SLC4A4: variants seen among roughly 807,000 people sequenced by gnomAD.
SLC4A4 encodes the protein solute carrier family 4 member 4, also known as electrogenic sodium bicarbonate cotransporter 1.
A neutral mutation model predicts 111.5 loss-of-function variants in SLC4A4; 27 were observed. The observed-to-expected ratio is 0.24, with a 90% CI of 0.18 to 0.33. SLC4A4 has a LOEUF of 0.33. SLC4A4 is among the 10% of genes least tolerant of loss of function. The pLI, the probability that SLC4A4 is intolerant of heterozygous loss-of-function variation, is 1.00. For synonymous variants in SLC4A4, 443 were observed against 463.4 expected (o/e 0.96, Z 0.57); for missense variants, 909 against 1,315.5 (o/e 0.69, Z 4.78).
chr4:71,183,236 C>G (rs1745357228), upstream of SLC4A4, among the ~76,000 whole-genome samples: 2 of 152,170 alleles, frequency 1.3e-5, no homozygotes, highest in African/African-American at 4.8e-5. Flanking sequence ...TTAGAACCCT[C>G]TACTGATAGT....
At chr4:71,225,798 C>T (rs775162212) in intron 1 of SLC4A4, among the ~76,000 whole-genome samples, 9 of 152,328 alleles carry the variant, frequency 5.9e-5, no homozygotes, top group Middle Eastern at 3.4e-3. Context: ...TGCCAATCTG[C>T]ATCTGATCTG....
chr4:71,265,940 C>T (rs1373509194), intron 3 of SLC4A4, among the ~76,000 whole-genome samples: 1 of 151,990 alleles, frequency 6.6e-6, no homozygotes, highest in African/African-American at 2.4e-5. Flanking sequence ...TTAAACATAC[C>T]CTAGTCTTCT....
chr4:71,504,800 T>C (rs1731252925), intron 16 of SLC4A4, among the ~76,000 whole-genome samples: 1 of 152,012 alleles, frequency 6.6e-6, no homozygotes, highest in Admixed American at 6.6e-5. Context: ...GCCATGGTGG[T>C]TTGCTGCACA....
intron 3 of SLC4A4, among the ~76,000 whole-genome samples, chr4:71,335,053 C>T (rs927561520): frequency 4.6e-5 from 7 of 152,014 alleles, no homozygotes; most frequent in Non-Finnish European, 7.4e-5. Flanking sequence ...GGAACAGACA[C>T]AGGGGCCTAC....
intron 7 of SLC4A4, among the ~76,000 whole-genome samples, chr4:71,421,248 C>A (rs1372078249): frequency 6.6e-6 from 1 of 152,182 alleles, no homozygotes; most frequent in Non-Finnish European, 1.5e-5. Context: ...AAGGCCATTA[C>A]ATAATGTTAA....
rs558543158 is a variant in SLC4A4, at chr4:71,288,255, T to C, written c.253+32856T>C. 2.0e-5 allele frequency among the ~76,000 whole-genome samples: 3 copies of C among 152,128 alleles called. No homozygotes were observed. In the South Asian group the frequency reaches 6.2e-4, roughly 32 times the overall value. On this transcript the variant is annotated intron_variant, in intron 3 of 25. Coordinates refer to ENST00000264485, the MANE Select transcript of SLC4A4 (RefSeq NM_001098484.3). Reference sequence around the variant, plus strand: ...AGCCATGAGTGACGGATCTGGGATATATAAGTTTAGGCCTATATTTTGTAA... The same window carrying C: ...AGCCATGAGTGACGGATCTGGGATACATAAGTTTAGGCCTATATTTTGTAA...
At chr4:71,130,269 G>T (rs184775607) in intron 2 of SLC4A4, among the ~76,000 whole-genome samples, 21 of 151,758 alleles carry the variant, frequency 1.4e-4, no homozygotes, top group Admixed American at 3.3e-4. Context: ...TTGCGCTATT[G>T]CTTGGGTGGG....
chr4:71,239,859 G>T (rs1720071388), intron 2 of SLC4A4, among the ~76,000 whole-genome samples: 1 of 152,014 alleles, frequency 6.6e-6, no homozygotes, highest in Non-Finnish European at 1.5e-5. Flanking sequence ...GGAGGAGAGG[G>T]GTTACTGTGG....
intron 16 of SLC4A4, among the ~76,000 whole-genome samples, chr4:71,505,089 C>A (rs2149164415): frequency 6.6e-6 from 1 of 152,254 alleles, no homozygotes; most frequent in South Asian, 2.1e-4. Context: ...CATAGTATTT[C>A]ATGGTGTATA....
rs1280052167 is a variant in SLC4A4 at position 71,376,154 on chromosome 4, T to TACAC, written c.730+18968_730+18969insCACA. Among the ~76,000 whole-genome samples, 164 of 55,054 alleles carry TACAC rather than the reference T, an allele frequency of 3.0e-3. 1 individual carries two copies. Among genetic ancestry groups the TACAC allele is most frequent in the Middle Eastern group, 0.021 (2 of 96 alleles). The allele number at this position is 55,054 out of a possible 152,430, so 36.1% of individuals were successfully genotyped here. A position where few individuals can be genotyped will look rare whatever the true frequency, so the allele number is the denominator to read the frequency against. ...ATACATACACATATATACCTGTATATATACACACACACACACACACACACA... is the reference window on the plus strand; with the variant it reads ...ATACATACACATATATACCTGTATATACACATACACACACACACACACACACACA... On this transcript the variant is annotated intron_variant, in intron 6 of 25. Coordinates refer to ENST00000264485, the MANE Select transcript of SLC4A4 (RefSeq NM_001098484.3).
At chr4:71,230,427 C>T (rs924939840) in intron 1 of SLC4A4, among the ~76,000 whole-genome samples, 4 of 152,166 alleles carry the variant, frequency 2.6e-5, no homozygotes, top group East Asian at 1.9e-4. Flanking sequence ...CTTTGGTGTG[C>T]GTCTGTGGGC....
At chr4:71,152,246 T>A (rs1560747229) in intron 2 of SLC4A4, among the ~76,000 whole-genome samples, 1 of 152,194 alleles carries the variant, frequency 6.6e-6, no homozygotes, top group Non-Finnish European at 1.5e-5. Flanking sequence ...AAATTTTGTG[T>A]TAATATTTCC....
intron 16 of SLC4A4, among the ~76,000 whole-genome samples, chr4:71,512,344 G>A (rs1488507891): frequency 1.3e-5 from 2 of 152,052 alleles, no homozygotes; most frequent in Admixed American, 1.3e-4. Context: ...ACTCTGACTG[G>A]GGTAAGATGA....
chr4:71,088,922 T>C (rs1208090050), intron 1 of SLC4A4, among the ~76,000 whole-genome samples: 1 of 152,056 alleles, frequency 6.6e-6, no homozygotes, highest in Non-Finnish European at 1.5e-5. Flanking sequence ...TGTGGCATTC[T>C]TTGTATTTCC....
At chr4:71,376,108 T>C (rs1732334751) in intron 6 of SLC4A4, among the ~76,000 whole-genome samples, 1 of 149,602 alleles carries the variant, frequency 6.7e-6, no homozygotes, top group Non-Finnish European at 1.5e-5. Context: ...TGTATATATA[T>C]ATACGTTTGT....
chr4:71,153,033 G>GTGTATATATATATATATA (rs386400441), intron 2 of SLC4A4, among the ~76,000 whole-genome samples: 9 of 132,718 alleles, frequency 6.8e-5, no homozygotes, highest in Non-Finnish European at 1.0e-4. Context: ...ATATGTGTGT[G>GTGTATATATATATATATA]TATATATATA....
At chr4:71,430,067 T>C (rs1282420394) in intron 7 of SLC4A4, among the ~76,000 whole-genome samples, 1 of 152,180 alleles carries the variant, frequency 6.6e-6, no homozygotes, top group Non-Finnish European at 1.5e-5. Flanking sequence ...TGAATCAGTG[T>C]TTGATGAGCC....
At chr4:71,130,882 G>T (rs1483099516) in intron 2 of SLC4A4, among the ~76,000 whole-genome samples, 1 of 152,156 alleles carries the variant, frequency 6.6e-6, no homozygotes, top group Non-Finnish European at 1.5e-5. Context: ...AGTTGAGAGA[G>T]CTCTCTGTGA....
intron 3 of SLC4A4, among the ~76,000 whole-genome samples, chr4:71,258,238 G>A (rs924491393): frequency 1.3e-5 from 2 of 152,172 alleles, no homozygotes; most frequent in Non-Finnish European, 2.9e-5. Flanking sequence ...CAGGGCCTTT[G>A]TTCATGCAAA....
Sources: gnomAD v4.1 joint callset for allele counts (sites outside exome capture counted in the v4.1 genomes callset) on GRCh38, gnomAD v4.1.1 for gene constraint, MANE v1.5 for transcripts, NCBI Gene and HGNC (gene_info 2026-07-23, HGNC 2026-07-21) for gene names.